SGK2: variants seen among roughly 807,000 people sequenced by gnomAD.
SGK2 encodes serine/threonine-protein kinase Sgk2.
A neutral mutation model predicts 47.5 loss-of-function variants in SGK2; 36 were observed. That is an observed-to-expected ratio of 0.76 (90% CI 0.58 to 1.00). The LOEUF (loss-of-function observed/expected upper bound fraction) is 1.00, where lower values mean the gene tolerates loss of function less well. Among genes scored for constraint, SGK2 ranks in the 50% least tolerant of loss-of-function variants. The probability of loss-of-function intolerance (pLI) is 0.00; values close to 1 mark genes in which losing one functional copy is unlikely to be tolerated. For synonymous variants in SGK2, 157 were observed against 181.9 expected (o/e 0.86, Z 1.10); for missense variants, 404 against 467.4 (o/e 0.86, Z 1.25).
rs1419068342 is a variant in SGK2, at chr20:43,583,315, G to A, written c.940-1537G>A. 4 of 1,288,552 alleles carry A rather than the reference G, an allele frequency of 3.1e-6. No individual in the cohort carries two copies. The African/African-American group carries it at 6.1e-5, about 20-fold the overall frequency. The allele number at this position is 1,288,552 out of a possible 1,614,324, so 79.8% of individuals were successfully genotyped here. A position where few individuals can be genotyped will look rare whatever the true frequency, so the allele number is the denominator to read the frequency against. On this transcript the variant is annotated intron_variant, in intron 12 of 12. Coordinates refer to ENST00000373100, the MANE Select transcript of SGK2 (RefSeq NM_170693.3). ...ACTAGGCAGAGATGAATGGACTTTA[G>A]AATGAGACACTCCGGAGCTGGATTC...
chr20:43,567,126 T>G lies in SGK2; in HGVS notation c.86+9T>G, dbSNP rs776539781. ...CCTTCAGCCAACCCAAAGTGAGTTC[T>G]GGTCCCTCAAGCACCTTTCCTACTT... On this transcript the variant is annotated intron_variant, in intron 3 of 12. Transcript: ENST00000373100. The G allele has an allele frequency of 1.2e-6, 2 of 1,613,326 alleles. No individual in the cohort carries two copies. Among genetic ancestry groups the G allele is most frequent in the Non-Finnish European group, 1.7e-6 (2 of 1,179,242 alleles).
intron 11 of SGK2, among the ~76,000 whole-genome samples, chr20:43,578,180 T>C (rs181912599): frequency 6.6e-6 from 1 of 152,214 alleles, no homozygotes. Context: ...TTTTCTAACA[T>C]AGTGGTTAAG....
At chr20:43,565,472 G>A (rs1979645113) in intron 1 of SGK2, among the ~76,000 whole-genome samples, 1 of 152,170 alleles carries the variant, frequency 6.6e-6, no homozygotes, top group Non-Finnish European at 1.5e-5. Context: ...GCCTCTCAGG[G>A]AAGCCTGGGC....
intron 12 of SGK2, chr20:43,583,258 T>C: frequency 1.6e-6 from 2 of 1,289,792 alleles, no homozygotes; most frequent in Non-Finnish European, 2.0e-6. Context: ...AATGTCGAAC[T>C]TATACCCTGG....
At chr20:43,564,390 G>T (rs6073130) in intron 1 of SGK2, among the ~76,000 whole-genome samples, 1 of 152,344 alleles carries the variant, frequency 6.6e-6, no homozygotes, top group East Asian at 1.9e-4. Flanking sequence ...AGGGCTCTCA[G>T]CTGCCATGGC....
At chr20:43,575,160 T>G (rs1332200672) in intron 10 of SGK2, among the ~76,000 whole-genome samples, 156 bp downstream of exon 10, 1 of 152,160 alleles carries the variant, frequency 6.6e-6, no homozygotes, top group Non-Finnish European at 1.5e-5. Context: ...AATTATTATT[T>G]TTTTCAATAA....
chr20:43,568,700 G>A (rs532916801), intron 5 of SGK2, among the ~76,000 whole-genome samples: 3 of 151,942 alleles, frequency 2.0e-5, no homozygotes, highest in Non-Finnish European at 4.4e-5. Flanking sequence ...CAGGCTCCTG[G>A]CCTCAAGAGA....
chr20:43,567,725 G>A lies in SGK2; in HGVS notation c.144+3G>A, dbSNP rs1979825400. ...TCGGCAAAGGGAACTACGGGAAGGT[G>A]AGTGACTTGGTGAGGGTGGGAAGCC... On this transcript the variant is annotated splice_donor_region_variant and intron_variant, in intron 4 of 12. Transcript: ENST00000373100. 1.9e-6 allele frequency: 3 copies of A among 1,613,978 alleles called. No individual in the cohort carries two copies. The highest frequency in any genetic ancestry group is 2.5e-6 in the Non-Finnish European group (3 of 1,180,014).
chr20:43,574,535 T>C (rs920238300), intron 9 of SGK2, among the ~76,000 whole-genome samples: 8 of 152,192 alleles, frequency 5.3e-5, no homozygotes, highest in African/African-American at 1.9e-4. Context: ...GCAGACTAAT[T>C]AGAAAAAGCA....
intron 12 of SGK2, among the ~76,000 whole-genome samples, chr20:43,584,345 C>G (rs1980975154): frequency 6.6e-6 from 1 of 152,206 alleles, no homozygotes. Context: ...GACTCCACCT[C>G]TAGATGGGAA....
At chr20:43,565,487 G>A (rs1044384846) in intron 1 of SGK2, among the ~76,000 whole-genome samples, 6 of 152,162 alleles carry the variant, frequency 3.9e-5, no homozygotes, top group Non-Finnish European at 8.8e-5. Flanking sequence ...CTGGGCTGGG[G>A]GATCCTCTCA....
chr20:43,572,166 G>C lies in SGK2; in HGVS notation c.597+29G>C, dbSNP rs1215788344. 2 of 1,487,640 alleles carry C rather than the reference G, an allele frequency of 1.3e-6. No homozygotes were observed. The highest frequency in any genetic ancestry group is 2.8e-5 in the African/African-American group (2 of 71,688). 92.2% of individuals were successfully genotyped at this position (1,487,640 alleles called of 1,614,324 possible). On this transcript the variant is annotated intron_variant, in intron 9 of 12. Transcript: ENST00000373100. This position sits in a 1 kb window ranked among gnomAD's most constrained non-coding sequence, Gnocchi z 4.2. ...AGCGTAAACATCCCAGGAGAGGGGAGGTCATGAGTGGGTGAGGCCACAGCT... is the reference window on the plus strand; with the variant it reads ...AGCGTAAACATCCCAGGAGAGGGGACGTCATGAGTGGGTGAGGCCACAGCT...
At chr20:43,584,831 A>G in intron 12 of SGK2, 21 bp from the exon 13 acceptor site, 1 of 1,609,284 alleles carries the variant, frequency 6.2e-7, no homozygotes, top group East Asian at 2.2e-5. Flanking sequence ...TTTTCTTCTC[A>G]TCATTGGCTT....
At chr20:43,584,659 T>C (rs1275980515) in intron 12 of SGK2, among the ~76,000 whole-genome samples, 193 bp from the exon 13 acceptor site, 1 of 152,076 alleles carries the variant, frequency 6.6e-6, no homozygotes, top group Non-Finnish European at 1.5e-5. Context: ...TGACGATTGG[T>C]GTGGAGGCAG....
In SGK2 at chr20:43,584,895, A is replaced by G. The variant is rs777308952; in HGVS notation, c.983A>G (p.Gln328Arg). 1 of 1,614,164 alleles carries G rather than the reference A, an allele frequency of 6.2e-7. No individual in the cohort carries two copies. Among genetic ancestry groups the G allele is most frequent in the South Asian group, 1.1e-5 (1 of 91,080 alleles). ...AAGCATTTTGACCCAGAGTTCACCC[A>G]GGAAGCTGTGTCCAAGTCCATTGGC... ...DLKHFDPEFTQEAVSKSIGCT... is the reference protein window; with the variant it reads ...DLKHFDPEFTREAVSKSIGCT... Residue 328 changes from glutamine to arginine, a missense_variant, in exon 13 of 13, where the codon CAG (glutamine) becomes CGG (arginine). Coordinates refer to ENST00000373100, the MANE Select transcript of SGK2 (RefSeq NM_170693.3).
intron 11 of SGK2, among the ~76,000 whole-genome samples, chr20:43,576,594 G>A (rs1568673199): frequency 6.6e-6 from 1 of 152,238 alleles, no homozygotes; most frequent in Non-Finnish European, 1.5e-5. Flanking sequence ...CTATGTGCCA[G>A]GTATTGAGCT....
chr20:43,571,794 C>T (rs1980148681), intron 8 of SGK2, among the ~76,000 whole-genome samples: 1 of 152,194 alleles, frequency 6.6e-6, no homozygotes, highest in South Asian at 2.1e-4. Context: ...TTTCTGTCCA[C>T]AAGCTGCCAC....
At chr20:43,569,331 T>C in intron 5 of SGK2, 54 bp from the exon 6 acceptor site, 2 of 1,602,754 alleles carry the variant, frequency 1.2e-6, no homozygotes, top group Non-Finnish European at 1.7e-6. Context: ...TGAGCCGGGA[T>C]AAAAGAGGCT....
intron 4 of SGK2, 88 bp downstream of exon 4, chr20:43,567,810 G>T: frequency 1.9e-6 from 3 of 1,558,426 alleles, no homozygotes; most frequent in Non-Finnish European, 2.7e-6. Flanking sequence ...TATGAAGAGA[G>T]AGCACTCGCA....
Sources: allele counts gnomAD v4.1 joint callset (sites outside exome capture counted in the v4.1 genomes callset), GRCh38; gene constraint gnomAD v4.1.1; non-coding constraint Gnocchi (gnomAD v3.1); transcripts MANE v1.5; gene names NCBI Gene and HGNC (gene_info 2026-07-23, HGNC 2026-07-21).